DIAPH2: variants seen among roughly 807,000 people sequenced by gnomAD.
The protein encoded by DIAPH2 is protein diaphanous homolog 2.
Under a neutral mutation model 92.7 loss-of-function variants are expected in DIAPH2, and 35 were observed. The observed-to-expected ratio is 0.38, with a 90% CI of 0.29 to 0.50. The LOEUF (loss-of-function observed/expected upper bound fraction) is 0.50. Among genes scored for constraint, DIAPH2 ranks in the 20% least tolerant of loss-of-function variants. The pLI is 0.94. For synonymous variants in DIAPH2, 301 were observed against 280.4 expected (o/e 1.07, Z -0.73); for missense variants, 701 against 819.5 (o/e 0.86, Z 1.77).
At chrX:97,394,142 A>G (rs1236368288) in intron 25 of DIAPH2, among the ~76,000 whole-genome samples, 1 of 112,002 alleles carries the variant, frequency 8.9e-6, no homozygotes, top group African/African-American at 3.2e-5. Context: ...CATACCCCAG[A>G]CATTAAATTA....
rs180816368 is a variant in DIAPH2 at position 97,312,944 on chromosome X, T to C, written c.2845-35172T>C. Among the ~76,000 whole-genome samples the C allele has an allele frequency of 7.0e-4, 77 of 110,199 alleles. No homozygotes were observed. The East Asian group carries it at 0.02, about 28-fold the overall frequency. ...CTGTAATCCCAGCACTTCGGGAGGC[T>C]GAGGTGGGCGGATCACGAGGTCAGG... On this transcript the variant is annotated intron_variant, in intron 23 of 26. Coordinates refer to ENST00000324765, the MANE Select transcript of DIAPH2 (RefSeq NM_006729.5).
At chrX:96,690,248 G>A (rs951638823) in intron 1 of DIAPH2, among the ~76,000 whole-genome samples, 3 of 111,080 alleles carry the variant, frequency 2.7e-5, no homozygotes, top group Non-Finnish European at 5.7e-5. Flanking sequence ...GGAACGGAGA[G>A]CCAAAAGACC....
Position 97,285,383 on chromosome X carries a change from CAAAAAAAAAAAAA to C in DIAPH2, c.2844+37556_2844+37568del, listed in dbSNP as rs11336007. ...TGAAACCCCGTCTCTACTAAAAATA[CAAAAAAAAAAAAA>C]AAAAAAAAAAAGATTCAGTTATGGT... On this transcript the variant is annotated intron_variant, in intron 23 of 26. Coordinates refer to ENST00000324765, the MANE Select transcript of DIAPH2 (RefSeq NM_006729.5). 1.0e-4 allele frequency among the ~76,000 whole-genome samples: 4 copies of C among 38,116 alleles called. No individual in the cohort carries two copies. The South Asian group carries it at 0.014, about 138-fold the overall frequency. The allele number at this position is 38,116 out of a possible 115,157, so 33.1% of individuals were successfully genotyped here. A position where few individuals can be genotyped will look rare whatever the true frequency, so the allele number is the denominator to read the frequency against.
intron 26 of DIAPH2, among the ~76,000 whole-genome samples, chrX:97,580,040 G>C (rs1185627613): frequency 8.9e-6 from 1 of 111,911 alleles, no homozygotes; most frequent in African/African-American, 3.3e-5. Flanking sequence ...CTTTGCTGAA[G>C]TTGCCTGTCA....
chrX:97,476,538 C>T (rs2070604738), intron 26 of DIAPH2, among the ~76,000 whole-genome samples: 2 of 111,635 alleles, frequency 1.8e-5, no homozygotes, highest in South Asian at 7.5e-4. Flanking sequence ...GACTGAAATT[C>T]TGAAATGTAA....
intron 4 of DIAPH2, among the ~76,000 whole-genome samples, chrX:96,827,309 C>T (rs1207604418): frequency 1.8e-5 from 2 of 111,828 alleles, no homozygotes; most frequent in African/African-American, 3.2e-5. Context: ...TTGCAAAACA[C>T]GGGGAAGATA....
intron 23 of DIAPH2, among the ~76,000 whole-genome samples, chrX:97,318,131 T>C (rs1179915111): frequency 2.7e-5 from 3 of 111,728 alleles, no homozygotes; most frequent in African/African-American, 9.7e-5. Flanking sequence ...ACCACTGGTC[T>C]ATCCTTTTTT....
At chrX:96,875,756 T>TA (rs2065174179) in intron 4 of DIAPH2, among the ~76,000 whole-genome samples, 1 of 110,177 alleles carries the variant, frequency 9.1e-6, no homozygotes, top group African/African-American at 3.3e-5. Flanking sequence ...TTTGTGTGGT[T>TA]AAAAAAAATA....
rs373978005 is a variant in DIAPH2, at chrX:97,269,592, A to C, written c.2844+21753A>C. On this transcript the variant is annotated intron_variant, in intron 23 of 26. Coordinates refer to ENST00000324765, the MANE Select transcript of DIAPH2 (RefSeq NM_006729.5). ...TCTAGAAGCACTAAGGAAATCCTAG[A>C]TACAGAGATTCCTTTGTCTTCTAGT... 5.4e-5 allele frequency among the ~76,000 whole-genome samples: 6 copies of C among 111,883 alleles called. No homozygotes were observed. In the East Asian group the frequency reaches 1.7e-3, roughly 31 times the overall value.
chrX:97,134,310 A>G (rs980412198), intron 21 of DIAPH2, among the ~76,000 whole-genome samples: 7 of 111,754 alleles, frequency 6.3e-5, no homozygotes, highest in African/African-American at 2.3e-4. Flanking sequence ...GATGCCACAA[A>G]TTGCTAGATA....
intron 4 of DIAPH2, among the ~76,000 whole-genome samples, chrX:96,796,951 A>C (rs764025529): frequency 1.8e-5 from 2 of 111,457 alleles, no homozygotes; most frequent in African/African-American, 6.5e-5. Flanking sequence ...TAGCCTGAAG[A>C]ATTTTCTTTA....
intron 4 of DIAPH2, among the ~76,000 whole-genome samples, chrX:96,801,680 G>A (rs1161917443): frequency 9.0e-6 from 1 of 110,983 alleles, no homozygotes; most frequent in Non-Finnish European, 1.9e-5. Context: ...TAAAAATACA[G>A]AACCATCTCA....
Position 97,360,457 on chromosome X carries a change from CAAA to C in DIAPH2, c.3009+12192_3009+12194del, listed in dbSNP as rs377748223. On this transcript the variant is annotated intron_variant, in intron 24 of 26. Transcript: ENST00000324765. The stretch of plus-strand genomic sequence containing the variant: ...TGAAACCCCGTCTCTATTAAAAATA[CAAA>C]AAAAAAAAAAAAAATTAGGTGGGCA... 3.3e-3 allele frequency among the ~76,000 whole-genome samples: 292 copies of C among 88,586 alleles called. 1 individual carries two copies. The highest frequency in any genetic ancestry group is 0.011 in the African/African-American group (272 of 23,851). The allele number at this position is 88,586 out of a possible 115,157, so 76.9% of individuals were successfully genotyped here.
In DIAPH2 at chrX:97,567,779, G is replaced by A. The variant is rs768801566; in HGVS notation, c.3242-31474G>A. ...TTGTAGGAAGCAGCATATTTTTAAG[G>A]AAGATCTTTTTAAAAAGACAAGTGT... On this transcript the variant is annotated intron_variant, in intron 26 of 26. Coordinates refer to ENST00000324765, the MANE Select transcript of DIAPH2 (RefSeq NM_006729.5). 1.4e-3 allele frequency among the ~76,000 whole-genome samples: 153 copies of A among 111,131 alleles called. 1 individual carries two copies. The highest frequency in any genetic ancestry group is 4.9e-3 in the African/African-American group (149 of 30,551).
chrX:97,309,508 C>T lies in DIAPH2; in HGVS notation c.2845-38608C>T, dbSNP rs556560193. ...TTTCCTGATACTCCATGGGCTTTAG[C>T]GGTAAGGTAACTTTGTCATATAAGA... On this transcript the variant is annotated intron_variant, in intron 23 of 26. Transcript: ENST00000324765. Among the ~76,000 whole-genome samples, 33 of 111,916 alleles carry T rather than the reference C, an allele frequency of 2.9e-4. 1 individual carries two copies. The highest frequency in any genetic ancestry group is 1.7e-3 in the East Asian group (6 of 3,561).
intron 4 of DIAPH2, among the ~76,000 whole-genome samples, chrX:96,790,113 A>G (rs751672370): frequency 9.4e-6 from 1 of 105,911 alleles, no homozygotes; most frequent in East Asian, 2.9e-4. Flanking sequence ...CTTGTTGCCC[A>G]GGCTGGAGTG....
intron 14 of DIAPH2, among the ~76,000 whole-genome samples, chrX:96,946,486 C>G (rs1351584393): frequency 9.0e-6 from 1 of 111,583 alleles, no homozygotes; most frequent in African/African-American, 3.3e-5. Context: ...TGCTATCACT[C>G]TAGAAATTAT....
At chrX:97,341,124 C>T (rs2069110941) in intron 23 of DIAPH2, 2 of 106,990 alleles carry the variant, frequency 1.9e-5, no homozygotes, top group Non-Finnish European at 3.8e-5. Flanking sequence ...CCCGGGAGTT[C>T]TGGGCTATAA....
chrX:96,887,369 A>G (rs2065270426), intron 5 of DIAPH2, among the ~76,000 whole-genome samples: 2 of 111,330 alleles, frequency 1.8e-5, no homozygotes, highest in Admixed American at 9.6e-5. Flanking sequence ...TCCTGCCCTG[A>G]TAGTTAGCCA....
Sources: gnomAD v4.1 joint callset for allele counts (sites outside exome capture counted in the v4.1 genomes callset) on GRCh38, gnomAD v4.1.1 for gene constraint, MANE v1.5 for transcripts, NCBI Gene and HGNC (gene_info 2026-07-23, HGNC 2026-07-21) for gene names.